Variants in FAM149B1 observed in about 807,000 individuals in gnomAD.
FAM149B1 encodes primary cilium assembly protein FAM149B1.
In FAM149B1, 56 loss-of-function variants were observed where a neutral mutation model predicts 75.3. The observed-to-expected ratio is 0.74, with a 90% CI of 0.60 to 0.93. The LOEUF is 0.93. Ranked by LOEUF, FAM149B1 falls within the 40% of genes least tolerant of loss-of-function variation. The pLI is 0.00. For synonymous variants in FAM149B1, 259 were observed against 256.1 expected (o/e 1.01, Z -0.11); for missense variants, 639 against 708.4 (o/e 0.90, Z 1.11).
At chr10:73,200,383 T>G in intron 5 of FAM149B1, 1 of 542,356 alleles carries the variant, frequency 1.8e-6, no homozygotes, top group South Asian at 1.7e-5. Flanking sequence ...TTCTGGCACT[T>G]GGAGATTATA....
intron 2 of FAM149B1, among the ~76,000 whole-genome samples, chr10:73,177,428 G>C (rs1210003426): frequency 6.6e-6 from 1 of 151,998 alleles, no homozygotes; most frequent in Admixed American, 6.6e-5. Context: ...GCAAAAATGA[G>C]CTGGGTGTGG....
intron 5 of FAM149B1, among the ~76,000 whole-genome samples, chr10:73,196,785 T>C (rs915248584): frequency 6.6e-6 from 1 of 152,120 alleles, no homozygotes; most frequent in African/African-American, 2.4e-5. Flanking sequence ...TCTATCAGTC[T>C]CTCTCTCATT....
intron 5 of FAM149B1, 86 bp downstream of exon 5, chr10:73,193,679 T>TA: frequency 7.8e-7 from 1 of 1,275,852 alleles, no homozygotes; most frequent in South Asian, 1.6e-5. Flanking sequence ...ATTAAAATAC[T>TA]TCTTCCTACT....
At chr10:73,187,014 T>G (rs2042540494) in intron 3 of FAM149B1, among the ~76,000 whole-genome samples, 1 of 152,218 alleles carries the variant, frequency 6.6e-6, no homozygotes, top group Admixed American at 6.5e-5. Flanking sequence ...TTTAAAAGGG[T>G]GAATTTCATG....
At chr10:73,173,921 A>G (rs1843827789) in intron 1 of FAM149B1, among the ~76,000 whole-genome samples, 1 of 152,196 alleles carries the variant, frequency 6.6e-6, no homozygotes, top group African/African-American at 2.4e-5. Flanking sequence ...CAACTGTAGT[A>G]GTTAATGGTT....
At chr10:73,196,082 A>G (rs1462326609) in intron 5 of FAM149B1, among the ~76,000 whole-genome samples, 1 of 152,216 alleles carries the variant, frequency 6.6e-6, no homozygotes, top group Non-Finnish European at 1.5e-5. Flanking sequence ...AGCCACTTCA[A>G]GCTAGTACCT....
In FAM149B1 at chr10:73,168,257, G is replaced by T. The variant is rs561665645; in HGVS notation, c.-83G>T. ...GGAGGGGCCGGGCCGGAGCCGGCGG[G>T]AGGGCCAGGCCCGGAGGCCCCCACC... is the stretch of plus-strand genomic sequence containing the variant. On this transcript the variant is annotated 5_prime_UTR_variant, in exon 1 of 14. Coordinates refer to ENST00000242505, the MANE Select transcript of FAM149B1 (RefSeq NM_173348.2). The T allele has an allele frequency of 1.0e-4, 148 of 1,467,674 alleles. 2 individuals are homozygous for T. The South Asian group carries it at 1.0e-3, about 10-fold the overall frequency. The allele number at this position is 1,467,674 out of a possible 1,614,324, so 90.9% of individuals were successfully genotyped here. A position where few individuals can be genotyped will look rare whatever the true frequency, so the allele number is the denominator to read the frequency against.
In FAM149B1 at chr10:73,233,647, G is replaced by A. The variant is rs368772036; in HGVS notation, c.1352+484G>A. 2.6e-5 allele frequency among the ~76,000 whole-genome samples: 4 copies of A among 152,172 alleles called. No individual in the cohort carries two copies. The East Asian group carries it at 7.7e-4, about 29-fold the overall frequency. ...GTGTGAACCACCGCACCCAGCAGGGGTTAAATAATTTTAATGAAATAGATA... is the reference window on the plus strand; with the variant it reads ...GTGTGAACCACCGCACCCAGCAGGGATTAAATAATTTTAATGAAATAGATA... On this transcript the variant is annotated intron_variant, in intron 10 of 13. Coordinates refer to ENST00000242505, the MANE Select transcript of FAM149B1 (RefSeq NM_173348.2).
At chr10:73,235,408 T>C in intron 12 of FAM149B1, 90 bp downstream of exon 12, 2 of 1,524,618 alleles carry the variant, frequency 1.3e-6, no homozygotes, top group Non-Finnish European at 1.8e-6. Flanking sequence ...AGATTTTATC[T>C]AGAGGCTTAA....
At chr10:73,233,341 A>C in intron 10 of FAM149B1, 178 bp downstream of exon 10, 1 of 582,366 alleles carries the variant, frequency 1.7e-6, no homozygotes, top group African/African-American at 1.9e-5. Context: ...GTTAAATTTT[A>C]TTTTATTTTA....
At chr10:73,192,760 T>TAA in intron 4 of FAM149B1, 62 bp downstream of exon 4, 1 of 1,370,132 alleles carries the variant, frequency 7.3e-7, no homozygotes, top group Non-Finnish European at 9.7e-7. Context: ...AAAGTAGATT[T>TAA]AAAAAAAAAG....
At chr10:73,197,639 G>A (rs887469553) in intron 5 of FAM149B1, among the ~76,000 whole-genome samples, 10 of 151,770 alleles carry the variant, frequency 6.6e-5, no homozygotes, top group South Asian at 2.1e-4. Flanking sequence ...GTGTGGTGGC[G>A]CACGCCTGTA....
At chr10:73,186,752 A>C (rs909236139) in intron 3 of FAM149B1, among the ~76,000 whole-genome samples, 1 of 152,240 alleles carries the variant, frequency 6.6e-6, no homozygotes, top group Non-Finnish European at 1.5e-5. Flanking sequence ...GAACCTTCAA[A>C]ACATGCTAAG....
At position 73,243,910 on chromosome 10, in the gene FAM149B1, T is replaced by G. The variant is rs777924498; in HGVS notation, c.*2891T>G. On this transcript the variant is annotated 3_prime_UTR_variant, in exon 14 of 14. Coordinates refer to ENST00000242505, the MANE Select transcript of FAM149B1 (RefSeq NM_173348.2). ...CAACTCCTTTCTGCTCATTTCTGCTTCTTTGGCCTCTTCCTGAGCCTGAAA... is the reference window on the plus strand; with the variant it reads ...CAACTCCTTTCTGCTCATTTCTGCTGCTTTGGCCTCTTCCTGAGCCTGAAA... 2.0e-5 allele frequency: 33 copies of G among 1,614,140 alleles called. No individual in the cohort carries two copies. The South Asian group carries it at 2.4e-4, about 12-fold the overall frequency.
chr10:73,213,951 G>A (rs987493585), intron 7 of FAM149B1, among the ~76,000 whole-genome samples: 1 of 152,146 alleles, frequency 6.6e-6, no homozygotes, highest in Non-Finnish European at 1.5e-5. Flanking sequence ...CAATCCATGA[G>A]CATGGGATGT....
At chr10:73,206,676 T>A (rs1192051737) in intron 5 of FAM149B1, among the ~76,000 whole-genome samples, 1 of 152,194 alleles carries the variant, frequency 6.6e-6, no homozygotes, top group South Asian at 2.1e-4. Context: ...GGGGCCCAGT[T>A]ACAGCTTGAC....
intron 7 of FAM149B1, among the ~76,000 whole-genome samples, chr10:73,224,827 G>A (rs2043499771): frequency 6.6e-6 from 1 of 152,134 alleles, no homozygotes; most frequent in Non-Finnish European, 1.5e-5. Flanking sequence ...TCTTTTTGGG[G>A]TGATAAAAAG....
chr10:73,211,524 G>T (rs1417550811), intron 7 of FAM149B1, among the ~76,000 whole-genome samples: 4 of 152,142 alleles, frequency 2.6e-5, no homozygotes, highest in Admixed American at 6.5e-5. Context: ...TTTAGTCTCT[G>T]CCCCTGATTT....
intron 2 of FAM149B1, among the ~76,000 whole-genome samples, chr10:73,175,130 G>A (rs1025631681): frequency 6.6e-6 from 1 of 152,140 alleles, no homozygotes; most frequent in African/African-American, 2.4e-5. Flanking sequence ...AGGCCAAAAG[G>A]TGGGAGGATC....
Sources: allele counts gnomAD v4.1 joint callset (sites outside exome capture counted in the v4.1 genomes callset), GRCh38; gene constraint gnomAD v4.1.1; transcripts MANE v1.5; gene names NCBI Gene and HGNC (gene_info 2026-07-23, HGNC 2026-07-21).